The following ADGRL4 variants were observed in gnomAD, a reference collection of about 807,000 sequenced individuals.
ADGRL4 encodes EGF, latrophilin and seven transmembrane domain containing 1.
Under a neutral mutation model 74.8 loss-of-function variants are expected in ADGRL4, and 90 were observed. The observed-to-expected ratio is 1.20, with a 90% CI of 1.02 to 1.43. The LOEUF (loss-of-function observed/expected upper bound fraction) is 1.43. Among genes scored for constraint, ADGRL4 ranks in the 40% most tolerant of loss-of-function variants. The pLI, the probability that ADGRL4 is intolerant of heterozygous loss-of-function variation, is 0.00. For synonymous variants in ADGRL4, 311 were observed against 279.2 expected, an observed-to-expected ratio of 1.11 and a Z score of -1.14; for missense variants, 881 against 814.3, an observed-to-expected ratio of 1.08 and a Z score of -1.00.
At chr1:78,950,469 C>T (rs147253937) in intron 2 of ADGRL4, among the ~76,000 whole-genome samples, 8 of 152,046 alleles carry the variant, frequency 5.3e-5, no homozygotes, top group Non-Finnish European at 8.8e-5. Flanking sequence ...TAAATATGAT[C>T]GGATTTGAGT....
chr1:78,991,252 G>A lies in ADGRL4; in HGVS notation c.172+13818C>T, dbSNP rs1650602841. ...TTCTGATGTTATATACACAAAAGAG[G>A]AATAAGTGAAGATGTGCAGTGCATG... is the stretch of plus-strand genomic sequence containing the variant. On this transcript the variant is annotated intron_variant, in intron 2 of 14. Coordinates refer to ENST00000370742, the MANE Select transcript of ADGRL4 (RefSeq NM_022159.4). Among the ~76,000 whole-genome samples the A allele has an allele frequency of 1.3e-5, 2 of 152,144 alleles. 1 individual carries two copies. The highest frequency in any genetic ancestry group is 2.9e-5 in the Non-Finnish European group (2 of 67,894).
At chr1:78,949,530 C>G (rs953792792) in intron 2 of ADGRL4, among the ~76,000 whole-genome samples, 1 of 152,106 alleles carries the variant, frequency 6.6e-6, no homozygotes. Context: ...AGTAACCTCC[C>G]TCTTCCCTCA....
chr1:78,999,840 C>CTA (rs1172570077), intron 2 of ADGRL4, among the ~76,000 whole-genome samples: 1 of 101,850 alleles, frequency 9.8e-6, no homozygotes, highest in Non-Finnish European at 2.1e-5. Flanking sequence ...ATCTATCTAT[C>CTA]TACCTACCTA....
intron 2 of ADGRL4, among the ~76,000 whole-genome samples, chr1:78,956,724 T>G (rs1649836989): frequency 6.6e-6 from 1 of 152,116 alleles, no homozygotes; most frequent in Admixed American, 6.6e-5. Context: ...TTACCTAATG[T>G]TTGAGAAAAC....
At chr1:78,971,943 T>C (rs1398793972) in intron 2 of ADGRL4, among the ~76,000 whole-genome samples, 1 of 152,082 alleles carries the variant, frequency 6.6e-6, no homozygotes, top group Non-Finnish European at 1.5e-5. Flanking sequence ...TTAGTAGAGA[T>C]GGGGTTTCAC....
rs1453460679 is a variant in ADGRL4 at position 78,936,080 on chromosome 1, C to T, written c.877+215G>A. Among the ~76,000 whole-genome samples the T allele has an allele frequency of 2.8e-4, 31 of 109,142 alleles. 6 individuals are homozygous for T. The highest frequency in any genetic ancestry group is 9.0e-4 in the African/African-American group (27 of 30,126). The allele number at this position is 109,142 out of a possible 152,430, so 71.6% of individuals were successfully genotyped here. On this transcript the variant is annotated intron_variant, in intron 7 of 14. Coordinates refer to ENST00000370742, the MANE Select transcript of ADGRL4 (RefSeq NM_022159.4). ...CGGAGCTTGCAGTGAGCCGAGATTG[C>T]GCCACTGCACTCCCGCCTGGGCCAC... is the stretch of plus-strand genomic sequence containing the variant.
chr1:78,963,046 G>C (rs1649985848), intron 2 of ADGRL4, among the ~76,000 whole-genome samples: 2 of 151,902 alleles, frequency 1.3e-5, no homozygotes, highest in Non-Finnish European at 2.9e-5. Context: ...AGATTCTCAA[G>C]GAAAAAAGAT....
intron 2 of ADGRL4, among the ~76,000 whole-genome samples, chr1:78,958,803 A>G (rs1557512759): frequency 6.6e-6 from 1 of 152,244 alleles, no homozygotes; most frequent in Non-Finnish European, 1.5e-5. Flanking sequence ...GTAAAGTGCT[A>G]TCAAATAGCA....
chr1:78,901,066 G>A (rs1158564314), intron 12 of ADGRL4, among the ~76,000 whole-genome samples: 5 of 151,878 alleles, frequency 3.3e-5, no homozygotes, highest in African/African-American at 9.7e-5. Flanking sequence ...CCTTCACATA[G>A]GATTGCCAGA....
Position 78,921,697 on chromosome 1 carries a change from C to T in ADGRL4, c.1173G>A (p.Leu391=). 2 of 1,603,318 alleles carry T rather than the reference C, an allele frequency of 1.2e-6. No individual in the cohort carries two copies. Among genetic ancestry groups the T allele is most frequent in the Non-Finnish European group, 1.7e-6 (2 of 1,174,916 alleles). ...NGSWSSEGCE[L]TYSNETHTSC... ...AGGTGTGGGTCTCATTTGAGTATGT[C>T]AGCTCACAGCCCTCTGAAGACCAGC... Residue 391 remains leucine, a synonymous_variant, in exon 9 of 15, where the codon CTG becomes CTA. Transcript: ENST00000370742.
chr1:78,898,499 C>T (rs1269873493), intron 12 of ADGRL4, among the ~76,000 whole-genome samples: 1 of 150,452 alleles, frequency 6.6e-6, no homozygotes, highest in Non-Finnish European at 1.5e-5. Context: ...CCTTCATTAT[C>T]ACTTTTGTCT....
intron 8 of ADGRL4, 28 bp from the exon 9 acceptor site, chr1:78,921,814 A>G: frequency 1.5e-6 from 2 of 1,309,006 alleles, no homozygotes; most frequent in Non-Finnish European, 2.0e-6. Flanking sequence ...TACTGATGAA[A>G]AAAGAGAAAA....
intron 8 of ADGRL4, among the ~76,000 whole-genome samples, chr1:78,923,460 G>A (rs1649043179): frequency 6.6e-6 from 1 of 151,922 alleles, no homozygotes. Context: ...CTCTAGTGAA[G>A]CACACCACTG....
At position 78,896,938 on chromosome 1, in the gene ADGRL4, T is replaced by G. The variant is rs1268868856; in HGVS notation, c.1750-3749A>C. ...CTCCAGTACCCCATGCACCATGCCA[T>G]AGGGCAGTTGAATTTGGGCACTAAG... is the stretch of plus-strand genomic sequence containing the variant. On this transcript the variant is annotated intron_variant, in intron 12 of 14. Coordinates refer to ENST00000370742, the MANE Select transcript of ADGRL4 (RefSeq NM_022159.4). Among the ~76,000 whole-genome samples the G allele has an allele frequency of 2.6e-5, 4 of 152,262 alleles. No homozygotes were observed. The South Asian group carries it at 6.2e-4, about 24-fold the overall frequency.
chr1:78,921,000 A>G (rs1648987720), intron 9 of ADGRL4, among the ~76,000 whole-genome samples: 1 of 151,806 alleles, frequency 6.6e-6, no homozygotes, highest in Non-Finnish European at 1.5e-5. Flanking sequence ...TACTTTATAT[A>G]TTTAATGATA....
intron 2 of ADGRL4, among the ~76,000 whole-genome samples, chr1:78,955,515 C>G (rs946323173): frequency 4.6e-5 from 7 of 152,070 alleles, no homozygotes; most frequent in African/African-American, 1.7e-4. Context: ...ATACTCCTAA[C>G]ATTATAAAAA....
At chr1:78,954,816 A>G (rs1054788498) in intron 2 of ADGRL4, among the ~76,000 whole-genome samples, 1 of 152,154 alleles carries the variant, frequency 6.6e-6, no homozygotes, top group Non-Finnish European at 1.5e-5. Context: ...ATGACATTCA[A>G]AGGGAACTAG....
intron 4 of ADGRL4, 100 bp downstream of exon 4, chr1:78,939,088 T>G: frequency 7.4e-7 from 1 of 1,358,976 alleles, no homozygotes. Flanking sequence ...CTCCCTAAAG[T>G]TTGACTACTG....
Position 78,991,662 on chromosome 1 carries a change from T to C in ADGRL4, c.172+13408A>G, listed in dbSNP as rs555448834. ...AAAATATAATATAGTATATTTAATA[T>C]GTGAGAAATATAACTCCTAAATAAA... On this transcript the variant is annotated intron_variant, in intron 2 of 14. Coordinates refer to ENST00000370742, the MANE Select transcript of ADGRL4 (RefSeq NM_022159.4). Among the ~76,000 whole-genome samples the C allele has an allele frequency of 1.1e-3, 161 of 152,072 alleles. No individual in the cohort carries two copies. In the Middle Eastern group the frequency reaches 0.017, roughly 16 times the overall value.
Sources: gnomAD v4.1 joint callset for allele counts (sites outside exome capture counted in the v4.1 genomes callset) on GRCh38, gnomAD v4.1.1 for gene constraint, MANE v1.5 for transcripts, NCBI Gene and HGNC (gene_info 2026-07-23, HGNC 2026-07-21) for gene names.